Variants in COL23A1 observed in about 807,000 individuals in gnomAD.
COL23A1 encodes the protein collagen type XXIII alpha 1 chain, also known as collagen alpha-1(XXIII) chain.
COL23A1 carries 97 observed loss-of-function variants against 99.3 expected under a neutral mutation model. The ratio of observed to expected loss-of-function variants is 0.98; its 90% CI spans 0.83 to 1.16. The LOEUF is 1.16. COL23A1 is among the 50% of genes most tolerant of loss of function. COL23A1 has a pLI of 0.00. For synonymous variants in COL23A1, 320 were observed against 308.2 expected, an observed-to-expected ratio of 1.04 and a Z score of -0.40; for missense variants, 762 against 757.4, an observed-to-expected ratio of 1.01 and a Z score of -0.07.
chr5:178,246,189 C>T (rs1211769753), intron 24 of COL23A1, 65 bp downstream of exon 24: 20 of 1,522,664 alleles, frequency 1.3e-5, no homozygotes, highest in South Asian at 6.0e-5. Context: ...TTGGGGTCCC[C>T]GGGCTGAGCG....
chr5:178,529,144 GAC>G (rs753001931), intron 2 of COL23A1, among the ~76,000 whole-genome samples: 1 of 152,198 alleles, frequency 6.6e-6, no homozygotes, highest in Non-Finnish European at 1.5e-5. Flanking sequence ...GTCGTCCAAG[GAC>G]TCTCTCCATG....
chr5:178,545,355 C>T (rs180855812), intron 2 of COL23A1, among the ~76,000 whole-genome samples: 13 of 152,264 alleles, frequency 8.5e-5, no homozygotes, highest in South Asian at 2.1e-4. Flanking sequence ...AAGACATGAC[C>T]GGACAACAGG....
In COL23A1 at chr5:178,397,462, A is replaced by G. The variant is rs556639709; in HGVS notation, c.362-90543T>C. ...GTAACTGAGGCTTAACGAAGAAGCCAAAGTCATCAGGACACAGAACTCACA... is the reference window on the plus strand; with the variant it reads ...GTAACTGAGGCTTAACGAAGAAGCCGAAGTCATCAGGACACAGAACTCACA... On this transcript the variant is annotated intron_variant, in intron 2 of 28. Coordinates refer to ENST00000390654, the MANE Select transcript of COL23A1 (RefSeq NM_173465.4). 9.2e-4 allele frequency among the ~76,000 whole-genome samples: 140 copies of G among 152,328 alleles called. 3 individuals are homozygous for G. In the South Asian group the frequency reaches 0.028, roughly 31 times the overall value.
intron 2 of COL23A1, among the ~76,000 whole-genome samples, chr5:178,543,156 G>A (rs1443079488): frequency 6.6e-6 from 1 of 151,278 alleles, no homozygotes; most frequent in African/African-American, 2.4e-5. Context: ...CGCCCAGGCT[G>A]GAGTGCAATG....
intron 2 of COL23A1, among the ~76,000 whole-genome samples, chr5:178,558,370 C>T (rs1762390292): frequency 1.3e-5 from 2 of 152,164 alleles, no homozygotes; most frequent in South Asian, 4.1e-4. Context: ...TCTGATTGAT[C>T]CGGGAGCTCC....
intron 2 of COL23A1, among the ~76,000 whole-genome samples, chr5:178,513,808 A>T (rs901824901): frequency 6.6e-6 from 1 of 152,172 alleles, no homozygotes; most frequent in African/African-American, 2.4e-5. Context: ...AGGCAGGTGG[A>T]GTCCTTCTCA....
intron 2 of COL23A1, among the ~76,000 whole-genome samples, chr5:178,331,636 T>C (rs1275175055): frequency 1.3e-5 from 2 of 151,478 alleles, no homozygotes; most frequent in Admixed American, 1.3e-4. Context: ...GGGGCAGGAG[T>C]AAACACCATA....
intron 2 of COL23A1, among the ~76,000 whole-genome samples, chr5:178,533,740 G>A (rs1490039309): frequency 3.3e-5 from 5 of 152,166 alleles, no homozygotes; most frequent in East Asian, 1.9e-4. Flanking sequence ...CTCGTGATCC[G>A]CCTGCCTCAG....
intron 3 of COL23A1, among the ~76,000 whole-genome samples, chr5:178,291,100 T>C (rs866250001): frequency 6.6e-6 from 1 of 152,192 alleles, no homozygotes; most frequent in African/African-American, 2.4e-5. Flanking sequence ...TCGTTGATTA[T>C]GGTGGAGTGA....
intron 1 of COL23A1, among the ~76,000 whole-genome samples, chr5:178,567,444 T>G (rs1452918159): frequency 1.3e-5 from 2 of 151,986 alleles, no homozygotes; most frequent in East Asian, 1.9e-4. Context: ...CAAAGAAACA[T>G]AAGAACCAAC....
At chr5:178,444,975 C>A (rs1767079492) in intron 2 of COL23A1, among the ~76,000 whole-genome samples, 1 of 152,138 alleles carries the variant, frequency 6.6e-6, no homozygotes, top group Admixed American at 6.5e-5. Context: ...TGGTACATCA[C>A]GTGTGTTCAA....
At chr5:178,283,114 G>T (rs887435286) in intron 5 of COL23A1, among the ~76,000 whole-genome samples, 1 of 152,106 alleles carries the variant, frequency 6.6e-6, no homozygotes, top group African/African-American at 2.4e-5. Context: ...TTGAACTCCT[G>T]ACCTCAAGTG....
At chr5:178,297,190 C>A (rs1757792155) in intron 3 of COL23A1, among the ~76,000 whole-genome samples, 1 of 152,254 alleles carries the variant, frequency 6.6e-6, no homozygotes, top group African/African-American at 2.4e-5. Flanking sequence ...ACTGCCACTG[C>A]CTTGGACAAA....
At chr5:178,547,476 C>CA (rs1761653628) in intron 2 of COL23A1, among the ~76,000 whole-genome samples, 1 of 135,666 alleles carries the variant, frequency 7.4e-6, no homozygotes, top group Non-Finnish European at 1.6e-5. Context: ...CACCCACACA[C>CA]CCACACACAC....
intron 2 of COL23A1, among the ~76,000 whole-genome samples, chr5:178,433,849 T>C (rs142547226): frequency 7.2e-5 from 11 of 152,286 alleles, no homozygotes; most frequent in East Asian, 3.9e-4. Context: ...ATGGAAACTT[T>C]AAGTGATTAA....
At position 178,384,241 on chromosome 5, in the gene COL23A1, TCGCAAATGCA is replaced by T. The variant is rs1763545767; in HGVS notation, c.362-77332_362-77323del. On this transcript the variant is annotated intron_variant, in intron 2 of 28. Coordinates refer to ENST00000390654, the MANE Select transcript of COL23A1 (RefSeq NM_173465.4). This position sits in a 1 kb window ranked among gnomAD's most constrained non-coding sequence, Gnocchi z 5.5. The stretch of plus-strand genomic sequence containing the variant: ...GACGCTGCTGCGAGCTGAGCTGCGA[TCGCAAATGCA>T]CGCAGCTCCCCGCCCAGGGCAGTTC... Among the ~76,000 whole-genome samples, 14 of 152,148 alleles carry T rather than the reference TCGCAAATGCA, an allele frequency of 9.2e-5. No individual in the cohort carries two copies. Among genetic ancestry groups the T allele is most frequent in the Admixed American group, 7.9e-4 (12 of 15,286 alleles).
At chr5:178,388,770 A>G (rs1763803521) in intron 2 of COL23A1, among the ~76,000 whole-genome samples, 1 of 152,154 alleles carries the variant, frequency 6.6e-6, no homozygotes, top group Non-Finnish European at 1.5e-5. Context: ...ACTCCCTTGC[A>G]CTGAAACCTG....
chr5:178,499,208 AAC>A (rs1489378539), intron 2 of COL23A1, among the ~76,000 whole-genome samples: 2 of 152,224 alleles, frequency 1.3e-5, no homozygotes, highest in African/African-American at 4.8e-5. Context: ...CAAAAATATC[AAC>A]ACTCTCAGAG....
chr5:178,475,843 AC>A (rs1756998960), intron 2 of COL23A1, among the ~76,000 whole-genome samples: 1 of 151,940 alleles, frequency 6.6e-6, no homozygotes, highest in African/African-American at 2.4e-5. Flanking sequence ...GGCCACTCAT[AC>A]CTCCTGGAGG....
Sources: allele counts gnomAD v4.1 joint callset (sites outside exome capture counted in the v4.1 genomes callset), GRCh38; gene constraint gnomAD v4.1.1; non-coding constraint Gnocchi (gnomAD v3.1); transcripts MANE v1.5; gene names NCBI Gene and HGNC (gene_info 2026-07-23, HGNC 2026-07-21).